The following ANKRD44 variants were observed in gnomAD, a reference collection of about 807,000 sequenced individuals.
ANKRD44 encodes ankyrin repeat domain 44.
In ANKRD44, 35 loss-of-function variants were observed where a neutral mutation model predicts 116.0. The ratio of observed to expected loss-of-function variants is 0.30; its 90% confidence interval spans 0.23 to 0.40. The LOEUF (loss-of-function observed/expected upper bound fraction) is 0.40. Ranked by LOEUF, ANKRD44 falls within the 10% of genes least tolerant of loss-of-function variation. The probability of loss-of-function intolerance (pLI) is 1.00; values close to 1 mark genes in which losing one functional copy is unlikely to be tolerated. For synonymous variants in ANKRD44, 435 were observed against 461.8 expected (o/e 0.94, Z 0.74); for missense variants, 1,014 against 1,242.6 (o/e 0.82, Z 2.77).
chr2:197,114,605 A>G (rs569500564), intron 8 of ANKRD44, among the ~76,000 whole-genome samples: 2 of 152,056 alleles, frequency 1.3e-5, no homozygotes, highest in African/African-American at 4.8e-5. Flanking sequence ...TCATCTTCCA[A>G]TATCCCATAT....
chr2:196,975,794 A>C (rs1208963854), intron 21 of ANKRD44, among the ~76,000 whole-genome samples: 13 of 134,094 alleles, frequency 9.7e-5, no homozygotes, highest in Non-Finnish European at 1.7e-4. Flanking sequence ...TCTCAAAAAA[A>C]AAAAAGAAAA....
rs908199441 is a variant in ANKRD44 at position 197,255,329 on chromosome 2, A to C, written c.27+55249T>G. Among the ~76,000 whole-genome samples the C allele has an allele frequency of 5.3e-4, 80 of 152,342 alleles. 2 individuals carry two copies. Among genetic ancestry groups the C allele is most frequent in the African/African-American group, 1.8e-3 (75 of 41,566 alleles). On this transcript the variant is annotated intron_variant, in intron 1 of 27. Coordinates refer to ENST00000282272, the MANE Select transcript of ANKRD44 (RefSeq NM_001195144.2). ...GCTTCCTGAGTAGTCACCTCAGCATACACAGAACACTCATGTGAGAAACAC... is the reference window on the plus strand; with the variant it reads ...GCTTCCTGAGTAGTCACCTCAGCATCCACAGAACACTCATGTGAGAAACAC...
chr2:197,078,805 C>T lies in ANKRD44; in HGVS notation c.1548G>A (p.Glu516=). The change falls in exon 16 of 28, where the codon GAG becomes GAA. Residue 516 remains glutamate, a synonymous_variant. Transcript: ENST00000282272. ...LKEKEATLCL[E]FLLQNDANPS... is the part of the protein sequence containing the mutation. ...GATTTGCATCATTTTGAAGCAGAAA[C>T]TCTAGACATCTGTAAGTATAAAGAT... 1.2e-6 allele frequency: 2 copies of T among 1,612,792 alleles called. No individual in the cohort carries two copies. The highest frequency in any genetic ancestry group is 1.7e-6 in the Non-Finnish European group (2 of 1,179,152).
rs1220807615 is a variant in ANKRD44, at chr2:197,212,913, A to T, written c.28-25807T>A. ...CCAGAAAGCTTTTCACAGTGTGAAC[A>T]TCTCACAGAGCTGACTGGGATTCTA... is the stretch of plus-strand genomic sequence containing the variant. On this transcript the variant is annotated intron_variant, in intron 1 of 27. Transcript: ENST00000282272. The surrounding 1 kb of genome is among the most constrained non-coding windows in gnomAD (Gnocchi z 4.8). Among the ~76,000 whole-genome samples, 2 of 152,220 alleles carry T rather than the reference A, an allele frequency of 1.3e-5. No homozygotes were observed. Among genetic ancestry groups the T allele is most frequent in the Non-Finnish European group, 2.9e-5 (2 of 68,026 alleles).
At chr2:197,050,571 C>T (rs4850751) in intron 16 of ANKRD44, among the ~76,000 whole-genome samples, 109,071 of 151,698 alleles carry the variant, frequency 0.72, 40,672 homozygotes, top group East Asian at 0.86. Context: ...TACAGGTGCC[C>T]ACTATCACGC....
intron 7 of ANKRD44, among the ~76,000 whole-genome samples, chr2:197,122,067 G>A (rs1367830660): frequency 6.6e-6 from 1 of 152,142 alleles, no homozygotes; most frequent in Non-Finnish European, 1.5e-5. Context: ...GCAGAGCAGT[G>A]GTGCCGTCAG....
chr2:197,309,200 G>A (rs1048073658), intron 1 of ANKRD44, among the ~76,000 whole-genome samples: 5 of 152,160 alleles, frequency 3.3e-5, no homozygotes, highest in South Asian at 2.1e-4. Context: ...TTTAAAATAC[G>A]CAAATGTCTA....
At position 197,281,832 on chromosome 2, in the gene ANKRD44, C is replaced by T. The variant is rs577580487; in HGVS notation, c.27+28746G>A. 2.6e-5 allele frequency among the ~76,000 whole-genome samples: 4 copies of T among 152,298 alleles called. No homozygotes were observed. The South Asian group carries it at 8.3e-4, about 32-fold the overall frequency. On this transcript the variant is annotated intron_variant, in intron 1 of 27. Transcript: ENST00000282272. ...TAACTTTCCCTCATTTTCTTCCCAG[C>T]AGTGGAAGAGAAGTTTAAATCTTGT...
intron 2 of ANKRD44, among the ~76,000 whole-genome samples, chr2:197,159,470 A>C (rs2079903914): frequency 2.0e-5 from 3 of 152,166 alleles, no homozygotes; most frequent in African/African-American, 7.2e-5. Context: ...TCCTCTTGTA[A>C]ATAATAAAAG....
At position 197,203,962 on chromosome 2, in the gene ANKRD44, G is replaced by A. The variant is rs2081150579; in HGVS notation, c.28-16856C>T. ...GTTACCAGGGATCGGGAGGGAACGG[G>A]AAGTGACTGCTTCATGGATACAGAG... On this transcript the variant is annotated intron_variant, in intron 1 of 27. Transcript: ENST00000282272. The surrounding 1 kb of genome is among the most constrained non-coding windows in gnomAD (Gnocchi z 4.1). Among the ~76,000 whole-genome samples the A allele has an allele frequency of 6.6e-6, 1 of 152,192 alleles. No homozygotes were observed. Among genetic ancestry groups the A allele is most frequent in the Non-Finnish European group, 1.5e-5 (1 of 68,040 alleles).
chr2:196,995,851 C>T (rs531079134), intron 25 of ANKRD44, among the ~76,000 whole-genome samples: 8 of 152,314 alleles, frequency 5.3e-5, no homozygotes, highest in African/African-American at 1.4e-4. Flanking sequence ...TATTTCAAGA[C>T]GTCAGTTACT....
rs114633385 is a variant in ANKRD44, at chr2:197,116,229, C to T, written c.906+5103G>A. ...CTTCTAGCCTCTGGTATGGGGCACA[C>T]TGAGAGCATTGGTGGCATGTTTTAC... On this transcript the variant is annotated intron_variant, in intron 8 of 27. Coordinates refer to ENST00000282272, the MANE Select transcript of ANKRD44 (RefSeq NM_001195144.2). Among the ~76,000 whole-genome samples, 799 of 152,254 alleles carry T rather than the reference C, an allele frequency of 5.2e-3. 6 individuals carry two copies. The highest frequency in any genetic ancestry group is 0.018 in the African/African-American group (752 of 41,522).
At position 197,007,098 on chromosome 2, in the gene ANKRD44, TA is replaced by T. The variant is rs879920558; in HGVS notation, c.2130+707del. On this transcript the variant is annotated intron_variant, in intron 20 of 27. Coordinates refer to ENST00000282272, the MANE Select transcript of ANKRD44 (RefSeq NM_001195144.2). ...CCAGCCTGGGTGATAAGAGTGAGAT[TA>T]AAAAAAAAAAACCAAACACTTCAAC... Among the ~76,000 whole-genome samples the T allele has an allele frequency of 1.1e-3, 155 of 142,942 alleles. 1 individual carries two copies. The highest frequency in any genetic ancestry group is 2.7e-3 in the African/African-American group (105 of 39,094). 93.8% of individuals were successfully genotyped at this position (142,942 alleles called of 152,430 possible). A position where few individuals can be genotyped will look rare whatever the true frequency, so the allele number is the denominator to read the frequency against.
chr2:197,143,804 A>G (rs925284097), intron 3 of ANKRD44, among the ~76,000 whole-genome samples: 3 of 151,906 alleles, frequency 2.0e-5, no homozygotes, highest in Non-Finnish European at 2.9e-5. Flanking sequence ...TAATTTTTGT[A>G]ATTTTAGTAG....
intron 16 of ANKRD44, chr2:197,029,839 G>A (rs559588915): frequency 3.6e-5 from 10 of 278,302 alleles, no homozygotes; most frequent in Admixed American, 1.6e-4. Flanking sequence ...TTCAACCACC[G>A]AAGGAAGTTC....
chr2:197,263,400 C>T (rs574481416), intron 1 of ANKRD44: 1 of 605,234 alleles, frequency 1.7e-6, no homozygotes, highest in Non-Finnish European at 3.0e-6. Context: ...TGTTTGGGAG[C>T]CTCATCATTG....
At chr2:197,189,334 G>A (rs1226168577) in intron 1 of ANKRD44, among the ~76,000 whole-genome samples, 1 of 152,148 alleles carries the variant, frequency 6.6e-6, no homozygotes, top group African/African-American at 2.4e-5. Flanking sequence ...TTCTTGACAA[G>A]GTGTATGGAT....
intron 1 of ANKRD44, among the ~76,000 whole-genome samples, chr2:197,200,718 C>G (rs115391121): frequency 1.4e-3 from 218 of 152,240 alleles, no homozygotes; most frequent in Non-Finnish European, 2.5e-3. Context: ...TGCTCCTGCC[C>G]ATCTGGAAAA....
At chr2:197,273,983 ATATATAT>A (rs1559208375) in intron 1 of ANKRD44, among the ~76,000 whole-genome samples, 416 of 28,224 alleles carry the variant, frequency 0.015, 65 homozygotes, top group South Asian at 0.02. Context: ...AAAAAAAAAT[ATATATAT>A]ATATATATAT....
Sources: allele counts gnomAD v4.1 joint callset (sites outside exome capture counted in the v4.1 genomes callset), GRCh38; gene constraint gnomAD v4.1.1; non-coding constraint Gnocchi (gnomAD v3.1); transcripts MANE v1.5; gene names NCBI Gene and HGNC (gene_info 2026-07-23, HGNC 2026-07-21).